The following DOCK3 variants were observed in gnomAD, a reference collection of about 807,000 sequenced individuals.
DOCK3 encodes dedicator of cytokinesis protein 3.
Under a neutral mutation model 265.6 loss-of-function variants are expected in DOCK3, and 60 were observed. The observed-to-expected ratio is 0.23, with a 90% CI of 0.18 to 0.28. DOCK3 has a LOEUF of 0.28. Ranked by LOEUF, DOCK3 falls within the 10% of genes least tolerant of loss-of-function variation. The pLI is 1.00. For synonymous variants in DOCK3, 881 were observed against 938.0 expected (o/e 0.94, Z 1.11); for missense variants, 1,981 against 2,594.3 (o/e 0.76, Z 5.14).
chr3:50,983,152 C>T (rs565611488), intron 5 of DOCK3, among the ~76,000 whole-genome samples: 1 of 152,192 alleles, frequency 6.6e-6, no homozygotes, highest in South Asian at 2.1e-4. Context: ...ACTTTGGGTG[C>T]CCCCTCTGGA....
chr3:51,135,777 A>G (rs74590141), intron 9 of DOCK3, among the ~76,000 whole-genome samples: 2,851 of 152,034 alleles, frequency 0.019, 224 homozygotes, highest in Admixed American at 0.13. Flanking sequence ...TGGGAGTGCA[A>G]GGCTGCATGC....
chr3:50,721,940 G>A (rs1020241053), intron 1 of DOCK3, among the ~76,000 whole-genome samples: 1 of 152,138 alleles, frequency 6.6e-6, no homozygotes, highest in Non-Finnish European at 1.5e-5. Flanking sequence ...AGAGCCCCTA[G>A]TCACAGAGTG....
chr3:50,903,888 A>G (rs996482404), intron 4 of DOCK3, among the ~76,000 whole-genome samples: 1 of 151,940 alleles, frequency 6.6e-6, no homozygotes, highest in Non-Finnish European at 1.5e-5. Flanking sequence ...TACATTAGGT[A>G]TATCTCCTAA....
intron 2 of DOCK3, among the ~76,000 whole-genome samples, chr3:50,815,236 T>G (rs1353438713): frequency 6.6e-6 from 1 of 152,246 alleles, no homozygotes; most frequent in Non-Finnish European, 1.5e-5. Context: ...CCTTTTTTGG[T>G]TAATTTAGTA....
chr3:51,225,547 C>A (rs946050544), intron 14 of DOCK3, 102 bp from the exon 15 acceptor site: 1 of 1,488,710 alleles, frequency 6.7e-7, no homozygotes, highest in Non-Finnish European at 8.9e-7. Context: ...CCCTGAACAC[C>A]CACCCAAGCC....
chr3:51,149,509 G>GT (rs1159977626), intron 10 of DOCK3, among the ~76,000 whole-genome samples: 5 of 152,102 alleles, frequency 3.3e-5, no homozygotes, highest in Non-Finnish European at 7.4e-5. Context: ...TTTGAGATAC[G>GT]TTCCATCAAT....
At chr3:50,921,884 G>T (rs534125817) in intron 4 of DOCK3, among the ~76,000 whole-genome samples, 5 of 152,276 alleles carry the variant, frequency 3.3e-5, no homozygotes, top group African/African-American at 1.2e-4. Context: ...ATTGCAGAAC[G>T]GCAAATGTTG....
chr3:50,879,496 C>T (rs1465216036), intron 3 of DOCK3, among the ~76,000 whole-genome samples: 1 of 152,092 alleles, frequency 6.6e-6, no homozygotes, highest in Non-Finnish European at 1.5e-5. Context: ...TCTGATAAAA[C>T]AGACTTTAAA....
chr3:50,974,421 C>T (rs1318400684), intron 5 of DOCK3, among the ~76,000 whole-genome samples: 1 of 152,110 alleles, frequency 6.6e-6, no homozygotes, highest in South Asian at 2.1e-4. Context: ...GCTTGTTTTT[C>T]TCTGGTTTGT....
chr3:50,848,276 G>T (rs990139766), intron 3 of DOCK3, among the ~76,000 whole-genome samples: 7 of 152,112 alleles, frequency 4.6e-5, no homozygotes, highest in African/African-American at 1.7e-4. Flanking sequence ...TGCCTTTTAG[G>T]TTGAGTGTTT....
chr3:50,884,925 C>A (rs950715474), intron 3 of DOCK3, among the ~76,000 whole-genome samples: 2 of 152,018 alleles, frequency 1.3e-5, no homozygotes, highest in Non-Finnish European at 2.9e-5. Flanking sequence ...TTAGGGTTTA[C>A]TCTTTGTGTT....
At chr3:51,017,450 G>A (rs9682552) in intron 5 of DOCK3, among the ~76,000 whole-genome samples, 150,488 of 151,792 alleles carry the variant, frequency 0.99, 74,603 homozygotes, top group Middle Eastern at 1. Flanking sequence ...ATGTATCATT[G>A]GGTTGTTTAT....
At chr3:51,036,836 C>T (rs561227211) in intron 5 of DOCK3, among the ~76,000 whole-genome samples, 33 of 152,220 alleles carry the variant, frequency 2.2e-4, no homozygotes, top group African/African-American at 7.9e-4. Context: ...TGCTGTTCAC[C>T]TGATGGTGAT....
chr3:51,109,967 GACAAAGGGAA>G (rs1254972762), intron 9 of DOCK3, among the ~76,000 whole-genome samples: 9 of 151,722 alleles, frequency 5.9e-5, no homozygotes, highest in Admixed American at 2.0e-4. Context: ...AATCTGAAAT[GACAAAGGGAA>G]TATTACCACT....
Position 51,315,015 on chromosome 3 carries a change from G to A in DOCK3, c.3289G>A (p.Gly1097Ser). The A allele has an allele frequency of 6.2e-7, 1 of 1,610,736 alleles. No individual in the cohort carries two copies. The highest frequency in any genetic ancestry group is 8.5e-7 in the Non-Finnish European group (1 of 1,177,990). Residue 1097 changes from glycine (G) to serine (S), a missense_variant, in exon 32 of 53, where the codon GGT becomes AGT. Physicochemically the swap from Gly to Ser is moderately conservative, Grantham distance 56. This residue lies in a region of DOCK3 where 1,357 missense variants were observed against 1,866.8 expected (regional missense o/e 0.73). Coordinates refer to ENST00000266037, the MANE Select transcript of DOCK3 (RefSeq NM_004947.5). ...GATCCACTTTATTCCGGGAATGATT[G>A]GTCCTTTTCTGGGTGTGACACTGGT... ...HKIHFIPGMI[G>S]PFLGVTLVPQ...
chr3:50,878,567 A>C (rs1402648397), intron 3 of DOCK3, among the ~76,000 whole-genome samples: 6 of 141,858 alleles, frequency 4.2e-5, no homozygotes, highest in African/African-American at 1.7e-4. Context: ...AAGCAAGAAG[A>C]GAAGTTTAGA....
intron 5 of DOCK3, among the ~76,000 whole-genome samples, chr3:51,053,426 A>AC (rs1412991231): frequency 3.9e-4 from 52 of 132,470 alleles, no homozygotes; most frequent in Non-Finnish European, 1.6e-5. Context: ...TTGTATCACT[A>AC]TTTTTTTTTT....
chr3:51,338,966 A>C lies in DOCK3; in HGVS notation c.3704A>C (p.Glu1235Ala). 6.2e-7 allele frequency: 1 copy of C among 1,611,598 alleles called. No homozygotes were observed. The highest frequency in any genetic ancestry group is 1.1e-5 in the South Asian group (1 of 90,424). ...TACAAATCTGAGATTAACAAGGAAG[A>C]AATGTATATCCGCTACATCCATAAG... Reference protein sequence around the residue: ...NFYKSEINKEEMYIRYIHKLC... With the variant: ...NFYKSEINKEAMYIRYIHKLC... The change falls in exon 37 of 53, where the codon GAA (glutamate) becomes GCA (alanine). Residue 1235 changes from glutamate to alanine, a missense_variant. Glu to Ala is a moderately radical substitution (Grantham distance 107). This residue lies in a region of DOCK3 where 1,357 missense variants were observed against 1,866.8 expected (regional missense o/e 0.73). Transcript: ENST00000266037.
chr3:50,915,537 T>A (rs1438987215), intron 4 of DOCK3, among the ~76,000 whole-genome samples: 1 of 151,990 alleles, frequency 6.6e-6, no homozygotes. Flanking sequence ...TCAGACACCA[T>A]TCTGTTTCTC....
Sources: gnomAD v4.1 joint callset for allele counts (sites outside exome capture counted in the v4.1 genomes callset) on GRCh38, gnomAD v4.1.1 for gene constraint, gnomAD v4.1.1 regional missense constraint, MANE v1.5 for transcripts, NCBI Gene and HGNC (gene_info 2026-07-23, HGNC 2026-07-21) for gene names.